The following ARHGEF37 variants were observed in gnomAD, a reference collection of about 807,000 sequenced individuals.
ARHGEF37 encodes Rho guanine nucleotide exchange factor 37.
A neutral mutation model predicts 71.1 loss-of-function variants in ARHGEF37; 55 were observed. That is an observed-to-expected ratio of 0.77 (90% CI 0.62 to 0.97). The LOEUF is 0.97. Among genes scored for constraint, ARHGEF37 ranks in the 50% least tolerant of loss-of-function variants. The pLI is 0.00. For missense variants in ARHGEF37, 765 were observed against 836.8 expected (o/e 0.91, Z 1.06); for synonymous variants, 327 against 350.6 (o/e 0.93, Z 0.75).
At chr5:149,625,534 C>A (rs1752660255) in intron 10 of ARHGEF37, among the ~76,000 whole-genome samples, 1 of 152,242 alleles carries the variant, frequency 6.6e-6, no homozygotes, top group African/African-American at 2.4e-5. Context: ...GTGCCGCGAA[C>A]ATGGGAGACC....
intron 1 of ARHGEF37, among the ~76,000 whole-genome samples, chr5:149,573,351 C>T (rs796538292): frequency 7.2e-5 from 11 of 152,312 alleles, no homozygotes; most frequent in African/African-American, 1.4e-4. Context: ...TTAGCCAATT[C>T]CCCAAAATAA....
At chr5:149,608,519 C>T (rs946659231) in intron 3 of ARHGEF37, among the ~76,000 whole-genome samples, 2 of 151,938 alleles carry the variant, frequency 1.3e-5, no homozygotes, top group Non-Finnish European at 2.9e-5. Flanking sequence ...ACTACAAGGG[C>T]ACACCATCAC....
chr5:149,620,330 G>A (rs1455001249), intron 7 of ARHGEF37, 24 bp from the exon 8 acceptor site: 1 of 1,550,828 alleles, frequency 6.4e-7, no homozygotes. Flanking sequence ...ATGATTGGAT[G>A]TTTCTCCTTG....
intron 12 of ARHGEF37, among the ~76,000 whole-genome samples, chr5:149,629,472 C>G (rs955211918): frequency 9.2e-5 from 14 of 152,128 alleles, no homozygotes; most frequent in Non-Finnish European, 2.1e-4. Context: ...TGCTTTTTCT[C>G]AAACAGGAAG....
At chr5:149,591,900 A>G (rs1243423663) in intron 1 of ARHGEF37, among the ~76,000 whole-genome samples, 1 of 152,204 alleles carries the variant, frequency 6.6e-6, no homozygotes, top group Non-Finnish European at 1.5e-5. Flanking sequence ...TGTCAGGTAT[A>G]TTTCATACAT....
Position 149,606,226 on chromosome 5 carries a change from G to A in ARHGEF37, c.311-3322G>A, listed in dbSNP as rs1199297965. On this transcript the variant is annotated intron_variant, in intron 3 of 12. Coordinates refer to ENST00000333677, the MANE Select transcript of ARHGEF37 (RefSeq NM_001001669.3). Reference sequence around the variant, plus strand: ...CACACCCAAGCTATCTCTTAGCCAGGCCGTCTCTGCAGTTGGCTGATCTCT... The same window carrying A: ...CACACCCAAGCTATCTCTTAGCCAGACCGTCTCTGCAGTTGGCTGATCTCT... Among the ~76,000 whole-genome samples the A allele has an allele frequency of 2.6e-5, 4 of 152,156 alleles. No homozygotes were observed. The East Asian group carries it at 5.8e-4, about 22-fold the overall frequency.
At chr5:149,622,624 G>A (rs1046687141) in intron 9 of ARHGEF37, among the ~76,000 whole-genome samples, 1 of 152,092 alleles carries the variant, frequency 6.6e-6, no homozygotes, top group Non-Finnish European at 1.5e-5. Flanking sequence ...AGGGCCACAC[G>A]GCTAATAGCA....
intron 1 of ARHGEF37, among the ~76,000 whole-genome samples, chr5:149,588,282 T>C (rs890449503): frequency 6.6e-6 from 1 of 151,780 alleles, no homozygotes; most frequent in African/African-American, 2.4e-5. Context: ...AGGGTTGTTA[T>C]AAGATTTCTT....
At chr5:149,602,867 A>C (rs1033806763) in intron 3 of ARHGEF37, among the ~76,000 whole-genome samples, 1 of 152,190 alleles carries the variant, frequency 6.6e-6, no homozygotes, top group Admixed American at 6.5e-5. Context: ...TTACACCACC[A>C]ATCTTCTAAC....
intron 3 of ARHGEF37, among the ~76,000 whole-genome samples, chr5:149,601,993 TG>T (rs35685128): frequency 1.3e-5 from 2 of 152,038 alleles, no homozygotes; most frequent in Non-Finnish European, 2.9e-5. Flanking sequence ...CTAACTGTGA[TG>T]GGGAGCCACT....
rs1752925807 is a variant in ARHGEF37, at chr5:149,632,809, G to C, written c.*618G>C. ...GACTCTTGACTGGTCCTGGGAGTGG[G>C]TGTGACCAAGTCATAGTTCTGGAAT... On this transcript the variant is annotated 3_prime_UTR_variant, in exon 13 of 13. Coordinates refer to ENST00000333677, the MANE Select transcript of ARHGEF37 (RefSeq NM_001001669.3). 6.4e-6 allele frequency: 1 copy of C among 155,254 alleles called. No homozygotes were observed. The highest frequency in any genetic ancestry group is 1.4e-5 in the Non-Finnish European group (1 of 69,666). 9.6% of individuals were successfully genotyped at this position (155,254 alleles called of 1,614,324 possible). A position where few individuals can be genotyped will look rare whatever the true frequency, so the allele number is the denominator to read the frequency against.
intron 1 of ARHGEF37, among the ~76,000 whole-genome samples, chr5:149,584,854 T>G (rs1000522113): frequency 3.3e-5 from 5 of 152,088 alleles, no homozygotes; most frequent in Admixed American, 6.5e-5. Context: ...ACTCCTGAGC[T>G]CAGATGATCT....
At chr5:149,600,610 T>C (rs1763722754) in intron 2 of ARHGEF37, among the ~76,000 whole-genome samples, 1 of 152,058 alleles carries the variant, frequency 6.6e-6, no homozygotes, top group African/African-American at 2.4e-5. Flanking sequence ...ACTCCGTCTG[T>C]TCCTCTCTTC....
chr5:149,575,355 C>T (rs576320491), intron 1 of ARHGEF37, among the ~76,000 whole-genome samples: 2 of 152,302 alleles, frequency 1.3e-5, no homozygotes, highest in South Asian at 2.1e-4. Flanking sequence ...TAGCAGACAC[C>T]GTTGGCTGCC....
At chr5:149,599,608 G>C (rs192344449) in intron 2 of ARHGEF37, among the ~76,000 whole-genome samples, 1 of 152,152 alleles carries the variant, frequency 6.6e-6, no homozygotes, top group East Asian at 1.9e-4. Flanking sequence ...CATTCTAACT[G>C]TCTCATTTGC....
chr5:149,574,935 C>G (rs1314746859), intron 1 of ARHGEF37, among the ~76,000 whole-genome samples: 2 of 152,198 alleles, frequency 1.3e-5, no homozygotes, highest in Admixed American at 6.5e-5. Context: ...TGATTTCTCA[C>G]CTCAGCCTTA....
intron 1 of ARHGEF37, among the ~76,000 whole-genome samples, chr5:149,559,137 G>A (rs1273021539): frequency 1.6e-4 from 25 of 152,086 alleles, no homozygotes; most frequent in Non-Finnish European, 5.9e-5. Context: ...CCTGGCCAAC[G>A]TGGTAAAACC....
intron 1 of ARHGEF37, among the ~76,000 whole-genome samples, chr5:149,565,486 A>G (rs1762886834): frequency 6.6e-6 from 1 of 152,238 alleles, no homozygotes; most frequent in African/African-American, 2.4e-5. Context: ...GCTACTATCT[A>G]CTATACAACA....
intron 1 of ARHGEF37, among the ~76,000 whole-genome samples, chr5:149,593,635 C>T (rs1177234231): frequency 6.6e-6 from 1 of 152,174 alleles, no homozygotes; most frequent in Non-Finnish European, 1.5e-5. Flanking sequence ...ATAACATAAA[C>T]AGTTGATTAA....
Sources: allele counts gnomAD v4.1 joint callset (sites outside exome capture counted in the v4.1 genomes callset), GRCh38; gene constraint gnomAD v4.1.1; transcripts MANE v1.5; gene names NCBI Gene and HGNC (gene_info 2026-07-23, HGNC 2026-07-21).